SORCS2: variants seen among roughly 807,000 people sequenced by gnomAD.
SORCS2 encodes the protein sortilin related VPS10 domain containing receptor 2.
SORCS2 carries 100 observed loss-of-function variants against 141.6 expected under a neutral mutation model. The ratio of observed to expected loss-of-function variants is 0.71; its 90% CI spans 0.60 to 0.83. The LOEUF (loss-of-function observed/expected upper bound fraction) is 0.83, where lower values mean the gene tolerates loss of function less well. Among genes scored for constraint, SORCS2 ranks in the 40% least tolerant of loss-of-function variants. SORCS2 has a pLI of 0.00. For missense variants in SORCS2, 1,646 were observed against 1,560.2 expected (o/e 1.05, Z -0.93); for synonymous variants, 789 against 676.9 (o/e 1.17, Z -2.57).
At chr4:7,647,415 A>C (rs1438133056) in intron 4 of SORCS2, among the ~76,000 whole-genome samples, 2 of 152,184 alleles carry the variant, frequency 1.3e-5, no homozygotes, top group Admixed American at 1.3e-4. Context: ...CCACACTCAC[A>C]GCTGCCTTTC....
At chr4:7,487,670 T>G (rs1731075568) in intron 2 of SORCS2, among the ~76,000 whole-genome samples, 1 of 152,202 alleles carries the variant, frequency 6.6e-6, no homozygotes, top group African/African-American at 2.4e-5. Flanking sequence ...GTAGCGGTGA[T>G]AGACGGGGCC....
At chr4:7,607,440 G>A (rs571831467) in intron 3 of SORCS2, among the ~76,000 whole-genome samples, 2 of 152,108 alleles carry the variant, frequency 1.3e-5, no homozygotes, top group South Asian at 2.1e-4. Flanking sequence ...CTCTTCCTCC[G>A]TGAAGCCCTC....
intron 1 of SORCS2, among the ~76,000 whole-genome samples, chr4:7,285,707 C>T (rs1235125912): frequency 6.6e-6 from 1 of 152,246 alleles, no homozygotes; most frequent in East Asian, 1.9e-4. Flanking sequence ...TTCCTTCTCG[C>T]TGGAGGACCA....
intron 2 of SORCS2, among the ~76,000 whole-genome samples, chr4:7,476,985 T>C (rs1167076580): frequency 2.0e-5 from 3 of 152,156 alleles, no homozygotes; most frequent in African/African-American, 4.8e-5. Context: ...GCTCTGAACT[T>C]ATTGACCTCC....
chr4:7,592,883 A>G (rs539227482), intron 3 of SORCS2, among the ~76,000 whole-genome samples: 1 of 152,364 alleles, frequency 6.6e-6, no homozygotes, highest in South Asian at 2.1e-4. Context: ...GGCTCATAGT[A>G]GTTGTAAAGC....
At chr4:7,291,069 C>T (rs1204870373) in intron 1 of SORCS2, among the ~76,000 whole-genome samples, 1 of 152,110 alleles carries the variant, frequency 6.6e-6, no homozygotes, top group Non-Finnish European at 1.5e-5. Flanking sequence ...CTAAGTGGAG[C>T]ACAGGGCATG....
At chr4:7,212,789 C>T (rs1324335210) in intron 1 of SORCS2, among the ~76,000 whole-genome samples, 2 of 152,242 alleles carry the variant, frequency 1.3e-5, no homozygotes, top group East Asian at 1.9e-4. Context: ...CGAGGAGTTT[C>T]GTCTCCAGAT....
At chr4:7,494,119 C>T (rs1402056523) in intron 2 of SORCS2, among the ~76,000 whole-genome samples, 4 of 152,202 alleles carry the variant, frequency 2.6e-5, no homozygotes. Context: ...GAGTGTATTT[C>T]TATAGCTGAG....
At chr4:7,617,232 C>T (rs1460729607) in intron 3 of SORCS2, among the ~76,000 whole-genome samples, 1 of 152,128 alleles carries the variant, frequency 6.6e-6, no homozygotes, top group Non-Finnish European at 1.5e-5. Flanking sequence ...CATCCACCTA[C>T]TCACCCATCC....
intron 4 of SORCS2, among the ~76,000 whole-genome samples, chr4:7,650,771 C>CCCAGT (rs1721397695): frequency 6.7e-6 from 1 of 148,430 alleles, no homozygotes; most frequent in Non-Finnish European, 1.5e-5. Context: ...CCCAGCCCAG[C>CCCAGT]CCAGCCTGCC....
chr4:7,635,771 G>C (rs936844722), intron 3 of SORCS2, among the ~76,000 whole-genome samples: 1 of 152,080 alleles, frequency 6.6e-6, no homozygotes, highest in Non-Finnish European at 1.5e-5. Flanking sequence ...ACACACCTTC[G>C]TCCGCATTTC....
At chr4:7,673,595 G>A (rs549052586) in intron 8 of SORCS2, among the ~76,000 whole-genome samples, 2 of 152,246 alleles carry the variant, frequency 1.3e-5, no homozygotes, top group South Asian at 4.1e-4. Flanking sequence ...AAGCCCAAAC[G>A]TAAACATTTG....
intron 20 of SORCS2, 44 bp downstream of exon 20, chr4:7,725,331 C>G: frequency 6.3e-7 from 1 of 1,589,554 alleles, no homozygotes; most frequent in Non-Finnish European, 8.6e-7. Context: ...CCCGCAGGCT[C>G]CCCACAAGCT....
chr4:7,741,416 G>A lies in SORCS2; in HGVS notation c.*1152G>A. 1 of 200,820 alleles carries A rather than the reference G, an allele frequency of 5.0e-6. No homozygotes were observed. Among genetic ancestry groups the A allele is most frequent in the Non-Finnish European group, 9.7e-6 (1 of 102,634 alleles). The allele number at this position is 200,820 out of a possible 1,614,324, so 12.4% of individuals were successfully genotyped here. On this transcript the variant is annotated 3_prime_UTR_variant, in exon 27 of 27. Transcript: ENST00000507866. The stretch of plus-strand genomic sequence containing the variant: ...CACCCTTACGGTTTCCTAGAATCAG[G>A]GATGTTAGTGTAAGTCTATAGGAAT...
At chr4:7,395,288 G>A (rs1187624574) in intron 1 of SORCS2, among the ~76,000 whole-genome samples, 2 of 152,224 alleles carry the variant, frequency 1.3e-5, no homozygotes, top group Non-Finnish European at 2.9e-5. Context: ...CTTCCACGGA[G>A]GAGCCCGACC....
At chr4:7,452,912 C>T (rs1364350079) in intron 2 of SORCS2, among the ~76,000 whole-genome samples, 4 of 136,120 alleles carry the variant, frequency 2.9e-5, no homozygotes, top group African/African-American at 5.8e-5. Context: ...GGGTCAGGTG[C>T]TGTGTTGAGG....
At chr4:7,250,350 T>C (rs1266067912) in intron 1 of SORCS2, among the ~76,000 whole-genome samples, 3 of 152,256 alleles carry the variant, frequency 2.0e-5, no homozygotes, top group Non-Finnish European at 4.4e-5. Context: ...TTCTGCAGGC[T>C]GCTCTATGCG....
At chr4:7,377,455 C>G (rs998031275) in intron 1 of SORCS2, among the ~76,000 whole-genome samples, 4 of 152,234 alleles carry the variant, frequency 2.6e-5, no homozygotes, top group African/African-American at 9.7e-5. Flanking sequence ...GCTCAACAGA[C>G]ATTCATCACT....
intron 1 of SORCS2, among the ~76,000 whole-genome samples, chr4:7,359,097 A>C (rs1429403569): frequency 1.3e-5 from 2 of 152,220 alleles, no homozygotes; most frequent in Non-Finnish European, 2.9e-5. Flanking sequence ...GGAGTTCAAG[A>C]CCAGCCTGGC....
Sources: allele counts gnomAD v4.1 joint callset (sites outside exome capture counted in the v4.1 genomes callset), GRCh38; gene constraint gnomAD v4.1.1; transcripts MANE v1.5; gene names NCBI Gene and HGNC (gene_info 2026-07-23, HGNC 2026-07-21).